Variants in DPY19L1 observed in about 807,000 individuals in gnomAD.
The protein encoded by DPY19L1 is dpy-19 like C-mannosyltransferase 1, also known as protein C-mannosyl-transferase DPY19L1.
Under a neutral mutation model 96.9 loss-of-function variants are expected in DPY19L1, and 35 were observed. The ratio of observed to expected loss-of-function variants is 0.36; its 90% CI spans 0.28 to 0.48. The LOEUF (loss-of-function observed/expected upper bound fraction) is 0.48, where lower values mean the gene tolerates loss of function less well. DPY19L1 is among the 20% of genes least tolerant of loss of function. The probability of loss-of-function intolerance (pLI) is 0.99; values close to 1 mark genes in which losing one functional copy is unlikely to be tolerated. For synonymous variants in DPY19L1, 205 were observed against 252.6 expected (o/e 0.81, Z 1.79); for missense variants, 521 against 777.9 (o/e 0.67, Z 3.93).
chr7:35,006,823 T>G (rs1239469677), intron 6 of DPY19L1, among the ~76,000 whole-genome samples: 1 of 152,192 alleles, frequency 6.6e-6, no homozygotes, highest in Non-Finnish European at 1.5e-5. Context: ...CTGGCTTACC[T>G]GGCTTCTAAA....
At chr7:34,934,273 T>G (rs1783818670) in intron 21 of DPY19L1, among the ~76,000 whole-genome samples, 1 of 152,192 alleles carries the variant, frequency 6.6e-6, no homozygotes, top group South Asian at 2.1e-4. Context: ...ACATCTATCC[T>G]ATTAGTTCTG....
intron 21 of DPY19L1, among the ~76,000 whole-genome samples, chr7:34,934,294 A>T (rs1031466892): frequency 2.0e-5 from 3 of 152,142 alleles, no homozygotes; most frequent in African/African-American, 7.2e-5. Context: ...TCCCTCTGGA[A>T]AACCCTGGCA....
In DPY19L1 at chr7:34,940,136, C is replaced by CTTTTT; in HGVS notation, c.1864+12_1864+16dup. The CTTTTT allele has an allele frequency of 7.9e-7, 1 of 1,258,208 alleles. No homozygotes were observed. The highest frequency in any genetic ancestry group is 1.0e-6 in the Non-Finnish European group (1 of 968,574). The allele number at this position is 1,258,208 out of a possible 1,614,324, so 77.9% of individuals were successfully genotyped here. On this transcript the variant is annotated intron_variant, in intron 19 of 21. Coordinates refer to ENST00000638088, the MANE Select transcript of DPY19L1 (RefSeq NM_001366673.1). ...AGCTAAATAATATGACTTTTTTTTT[C>CTTTTT]TTTTTTTTTTTTTTACCTGGTTTAG...
chr7:35,019,585 GGAA>G (rs1430549800), intron 1 of DPY19L1, among the ~76,000 whole-genome samples: 3 of 151,582 alleles, frequency 2.0e-5, no homozygotes, highest in African/African-American at 7.3e-5. Flanking sequence ...GAGGAAAGAA[GGAA>G]GAAGAGAGGA....
chr7:35,026,258 G>A (rs1473860419), intron 1 of DPY19L1, among the ~76,000 whole-genome samples: 2 of 152,170 alleles, frequency 1.3e-5, no homozygotes, highest in Admixed American at 6.5e-5. Context: ...GGGAGTAGCT[G>A]GAAATGCAGA....
Position 35,017,408 on chromosome 7 carries a change from T to C in DPY19L1, c.411+474A>G, listed in dbSNP as rs571335829. ...TACTGGGGAGGCTGAGGCAGGAGAATGGCGTGAACCCGGGAAGCGGAGCTT... is the reference window on the plus strand; with the variant it reads ...TACTGGGGAGGCTGAGGCAGGAGAACGGCGTGAACCCGGGAAGCGGAGCTT... On this transcript the variant is annotated intron_variant, in intron 3 of 21. Transcript: ENST00000638088. Among the ~76,000 whole-genome samples, 11 of 148,472 alleles carry C rather than the reference T, an allele frequency of 7.4e-5. No homozygotes were observed. In the South Asian group the frequency reaches 1.5e-3, roughly 20 times the overall value.
Position 34,930,311 on chromosome 7 carries a change from C to T in DPY19L1, c.*1262G>A, listed in dbSNP as rs560494941. On this transcript the variant is annotated 3_prime_UTR_variant, in exon 22 of 22. Transcript: ENST00000638088. ...TTCACACAAATTAACTTCTAAGAAA[C>T]AAAAATTCATACAAGGAATTCAAAG... 6.6e-6 allele frequency: 1 copy of T among 151,724 alleles called. No individual in the cohort carries two copies. Among genetic ancestry groups the T allele is most frequent in the Admixed American group, 6.6e-5 (1 of 15,266 alleles). The allele number at this position is 151,724 out of a possible 1,614,324, so 9.4% of individuals were successfully genotyped here.
intron 7 of DPY19L1, among the ~76,000 whole-genome samples, chr7:34,980,442 C>T (rs1314539260): frequency 1.3e-5 from 2 of 151,326 alleles, no homozygotes; most frequent in African/African-American, 4.8e-5. Context: ...AAATTAAGAA[C>T]TTCATCAAAA....
intron 2 of DPY19L1, 92 bp downstream of exon 2, chr7:35,018,480 T>C: frequency 2.6e-6 from 3 of 1,163,202 alleles, no homozygotes; most frequent in East Asian, 2.4e-5. Flanking sequence ...ATACTGATCA[T>C]GCTGAAATTA....
At chr7:34,999,172 C>T (rs985989566) in intron 6 of DPY19L1, among the ~76,000 whole-genome samples, 3 of 152,112 alleles carry the variant, frequency 2.0e-5, no homozygotes, top group Admixed American at 2.0e-4. Context: ...ACATCATGAC[C>T]TTTTACGGGA....
intron 6 of DPY19L1, among the ~76,000 whole-genome samples, chr7:35,007,587 TG>T (rs1056952510): frequency 7.9e-6 from 1 of 125,836 alleles, no homozygotes; most frequent in Admixed American, 7.6e-5. Context: ...CACACACGTG[TG>T]GTGTGTGTGT....
intron 6 of DPY19L1, among the ~76,000 whole-genome samples, chr7:35,001,130 A>G (rs572269634): frequency 5.9e-5 from 9 of 152,180 alleles, no homozygotes; most frequent in Non-Finnish European, 1.0e-4. Flanking sequence ...TGAGTTTCTG[A>G]TAGTAAAGAG....
intron 7 of DPY19L1, among the ~76,000 whole-genome samples, chr7:34,977,752 C>T (rs918754639): frequency 6.6e-6 from 1 of 152,004 alleles, no homozygotes; most frequent in East Asian, 1.9e-4. Flanking sequence ...GTTTAAAATG[C>T]CAATGCTTTT....
chr7:34,955,482 G>A, intron 11 of DPY19L1, 115 bp from the exon 12 acceptor site: 1 of 1,359,950 alleles, frequency 7.4e-7, no homozygotes, highest in East Asian at 2.5e-5. Context: ...TTAGCACATG[G>A]TTGACTTTCC....
chr7:34,997,003 G>T (rs1785301453), intron 6 of DPY19L1, among the ~76,000 whole-genome samples: 2 of 152,104 alleles, frequency 1.3e-5, no homozygotes, highest in Non-Finnish European at 2.9e-5. Context: ...TCTGAAGCAG[G>T]ACAGTAATAA....
intron 21 of DPY19L1, among the ~76,000 whole-genome samples, chr7:34,935,320 C>T (rs2128780064): frequency 6.6e-6 from 1 of 152,078 alleles, no homozygotes; most frequent in South Asian, 2.1e-4. Flanking sequence ...CCCAAGGTTT[C>T]CCCAGGCCAG....
chr7:34,952,129 C>A lies in DPY19L1; in HGVS notation c.1321-2231G>T, dbSNP rs112160536. Among the ~76,000 whole-genome samples the A allele has an allele frequency of 6.3e-3, 832 of 131,144 alleles. 9 individuals are homozygous for A. The highest frequency in any genetic ancestry group is 0.022 in the African/African-American group (773 of 35,828). The allele number at this position is 131,144 out of a possible 152,430, so 86.0% of individuals were successfully genotyped here. ...GTAGGAAAAATAAAAAAAAAGACCACAAAAAAAAAACCCACAACAGCTCTT... is the reference window on the plus strand; with the variant it reads ...GTAGGAAAAATAAAAAAAAAGACCAAAAAAAAAAAACCCACAACAGCTCTT... On this transcript the variant is annotated intron_variant, in intron 13 of 21. Transcript: ENST00000638088.
intron 6 of DPY19L1, among the ~76,000 whole-genome samples, chr7:34,998,460 C>T (rs908502501): frequency 2.0e-5 from 3 of 152,198 alleles, no homozygotes; most frequent in Non-Finnish European, 4.4e-5. Flanking sequence ...GGAACACTGA[C>T]CCTGCCTCAG....
chr7:35,024,488 C>T (rs921371867), intron 1 of DPY19L1, among the ~76,000 whole-genome samples: 1 of 152,022 alleles, frequency 6.6e-6, no homozygotes, highest in African/African-American at 2.4e-5. Flanking sequence ...ACAATCCATC[C>T]TAGGGGGTGA....
Sources: allele counts gnomAD v4.1 joint callset (sites outside exome capture counted in the v4.1 genomes callset), GRCh38; gene constraint gnomAD v4.1.1; transcripts MANE v1.5; gene names NCBI Gene and HGNC (gene_info 2026-07-23, HGNC 2026-07-21).